ZC3H12B: variants seen among roughly 807,000 people sequenced by gnomAD.
ZC3H12B encodes the protein zinc finger CCCH-type containing 12B, also known as probable ribonuclease ZC3H12B.
ZC3H12B carries 7 observed loss-of-function variants against 43.9 expected under a neutral mutation model. The observed-to-expected ratio is 0.16, with a 90% confidence interval of 0.09 to 0.30. ZC3H12B has a LOEUF of 0.30. Among genes scored for constraint, ZC3H12B ranks in the 10% least tolerant of loss-of-function variants. ZC3H12B has a pLI of 1.00. For missense variants in ZC3H12B, 475 were observed against 670.2 expected (o/e 0.71, Z 3.22); for synonymous variants, 222 against 241.7 (o/e 0.92, Z 0.76).
chrX:65,173,670 T>C, the ZC3H12B span, among the ~76,000 whole-genome samples: 1 of 112,046 alleles, frequency 8.9e-6, no homozygotes. Flanking sequence ...TGTGCATCTA[T>C]TGAGATAATC....
the ZC3H12B span, among the ~76,000 whole-genome samples, chrX:65,125,306 A>C: frequency 3.6e-5 from 4 of 111,488 alleles, no homozygotes; most frequent in Admixed American, 3.8e-4. Flanking sequence ...TGGTTTTGGA[A>C]GTTCCTTTTG....
the ZC3H12B span, among the ~76,000 whole-genome samples, chrX:65,150,991 G>A: frequency 9.0e-6 from 1 of 111,690 alleles, no homozygotes; most frequent in South Asian, 3.7e-4. Flanking sequence ...ACAGAGAATT[G>A]AAAAATAACA....
intron 1 of ZC3H12B, among the ~76,000 whole-genome samples, chrX:65,493,786 T>C (rs2068239300): frequency 8.9e-6 from 1 of 111,878 alleles, no homozygotes; most frequent in Non-Finnish European, 1.9e-5. Context: ...CTAGGGTTTT[T>C]GGCATTTTTT....
the ZC3H12B span, among the ~76,000 whole-genome samples, chrX:65,123,387 CT>C: frequency 9.0e-6 from 1 of 111,100 alleles, no homozygotes; most frequent in Non-Finnish European, 1.9e-5. Flanking sequence ...CTAAAATTCT[CT>C]TTTTGTGTGT....
the ZC3H12B span, among the ~76,000 whole-genome samples, chrX:65,281,919 A>C: frequency 8.9e-6 from 1 of 111,997 alleles, no homozygotes; most frequent in East Asian, 2.8e-4. Context: ...CAACAATCAA[A>C]TGATATTTAT....
the ZC3H12B span, among the ~76,000 whole-genome samples, chrX:65,189,680 G>A: frequency 1.9e-5 from 2 of 105,613 alleles, no homozygotes; most frequent in Admixed American, 2.0e-4. Flanking sequence ...TGAGTTCATT[G>A]TAGATTCTGG....
intron 3 of ZC3H12B, among the ~76,000 whole-genome samples, chrX:65,410,379 G>A (rs2066890445): frequency 8.9e-6 from 1 of 111,770 alleles, no homozygotes. Flanking sequence ...AAACATTGGG[G>A]AAATTCTCCA....
At chrX:65,239,205 CTAAG>C in the ZC3H12B span, among the ~76,000 whole-genome samples, 1 of 111,019 alleles carries the variant, frequency 9.0e-6, no homozygotes, top group African/African-American at 3.3e-5. Context: ...GTGTGTGCGT[CTAAG>C]TCTCTTTGTA....
chrX:65,442,266 G>A lies in ZC3H12B; in HGVS notation n.407+43562G>A, dbSNP rs1458603666. ...CAGAGCAGCCTGGCAATCGGGATTA[G>A]CATTGTCGAAAGCTAATAACTGCAA... On this transcript the variant is annotated intron_variant and non_coding_transcript_variant, in intron 3 of 5. Transcript: ENST00000617377. Among the ~76,000 whole-genome samples, 3 of 109,951 alleles carry A rather than the reference G, an allele frequency of 2.7e-5. No homozygotes were observed. In the Admixed American group the frequency reaches 3.0e-4, roughly 11 times the overall value.
chrX:65,247,212 A>G, the ZC3H12B span, among the ~76,000 whole-genome samples: 7 of 112,389 alleles, frequency 6.2e-5, no homozygotes, highest in African/African-American at 2.3e-4. Context: ...AATCAGAATG[A>G]CTATTATTAA....
At chrX:65,456,618 T>C (rs1432649935) in intron 3 of ZC3H12B, among the ~76,000 whole-genome samples, 3 of 107,339 alleles carry the variant, frequency 2.8e-5, no homozygotes. Flanking sequence ...TTCGTTTTTT[T>C]TTTTTGGTGG....
chrX:65,119,742 A>G, the ZC3H12B span, among the ~76,000 whole-genome samples: 13 of 111,667 alleles, frequency 1.2e-4, no homozygotes, highest in African/African-American at 3.9e-4. Context: ...CCTGAATGGT[A>G]TTGCCTAGGT....
At chrX:65,351,446 C>G in the ZC3H12B span, among the ~76,000 whole-genome samples, 5 of 112,080 alleles carry the variant, frequency 4.5e-5, no homozygotes, top group South Asian at 1.8e-3. Flanking sequence ...GCAATGGCAA[C>G]AAAAGCCAGA....
At chrX:65,388,973 T>C (rs2066571105) in intron 2 of ZC3H12B, among the ~76,000 whole-genome samples, 1 of 111,763 alleles carries the variant, frequency 8.9e-6, no homozygotes. Flanking sequence ...GCAGCAAATA[T>C]TGCTGCCTGA....
chrX:65,461,462 A>G (rs1475315366), intron 3 of ZC3H12B, among the ~76,000 whole-genome samples: 1 of 112,498 alleles, frequency 8.9e-6, no homozygotes, highest in Admixed American at 9.4e-5. Flanking sequence ...CAAATGTCCA[A>G]CAATGATAGA....
the ZC3H12B span, among the ~76,000 whole-genome samples, chrX:65,354,532 C>G: frequency 9.0e-6 from 1 of 111,601 alleles, no homozygotes; most frequent in Non-Finnish European, 1.9e-5. Flanking sequence ...CTGAAAATTC[C>G]AAAAAGCAGA....
the ZC3H12B span, among the ~76,000 whole-genome samples, chrX:65,213,008 A>T: frequency 9.4e-6 from 1 of 106,784 alleles, no homozygotes; most frequent in Non-Finnish European, 1.9e-5. Context: ...TGGTTTTTGA[A>T]TTTTTTTCAC....
chrX:65,281,320 C>T, the ZC3H12B span, among the ~76,000 whole-genome samples: 3 of 108,449 alleles, frequency 2.8e-5, no homozygotes, highest in East Asian at 5.8e-4. Flanking sequence ...CTGCAACCTC[C>T]GCCTCCCAGG....
At chrX:65,187,778 T>C in the ZC3H12B span, among the ~76,000 whole-genome samples, 2 of 110,630 alleles carry the variant, frequency 1.8e-5, no homozygotes, top group Non-Finnish European at 1.9e-5. Context: ...GTATCTGTGA[T>C]CTCAAGCATT....
Sources: gnomAD v4.1 joint callset for allele counts (sites outside exome capture counted in the v4.1 genomes callset) on GRCh38, gnomAD v4.1.1 for gene constraint, MANE v1.5 for transcripts, NCBI Gene and HGNC (gene_info 2026-07-23, HGNC 2026-07-21) for gene names.